Variants in SORL1 observed in about 807,000 individuals in gnomAD.
SORL1 encodes sortilin-related receptor.
A neutral mutation model predicts 273.7 loss-of-function variants in SORL1; 127 were observed. The observed-to-expected ratio is 0.46, with a 90% confidence interval of 0.40 to 0.54. The LOEUF is 0.54. SORL1 is among the 20% of genes least tolerant of loss of function. SORL1 has a pLI of 0.00. For missense variants in SORL1, 2,494 were observed against 2,846.1 expected (o/e 0.88, Z 2.81); for synonymous variants, 1,031 against 1,067.4 (o/e 0.97, Z 0.66).
chr11:121,463,482 G>A (rs1861035667), intron 1 of SORL1, among the ~76,000 whole-genome samples: 1 of 152,172 alleles, frequency 6.6e-6, no homozygotes, highest in African/African-American at 2.4e-5. Flanking sequence ...TCTCTAAACT[G>A]ATATTATAAG....
chr11:121,486,758 C>T (rs973212986), intron 3 of SORL1, among the ~76,000 whole-genome samples: 5 of 151,972 alleles, frequency 3.3e-5, no homozygotes, highest in East Asian at 1.9e-4. Flanking sequence ...GGATTACAGC[C>T]GCGAGCCACT....
At chr11:121,490,956 G>C (rs1408575902) in intron 5 of SORL1, among the ~76,000 whole-genome samples, 1 of 151,966 alleles carries the variant, frequency 6.6e-6, no homozygotes. Flanking sequence ...CTAGAGAGAG[G>C]ATTTATCCTT....
At position 121,514,005 on chromosome 11, in the gene SORL1, C is replaced by T. The variant is rs1861915699; in HGVS notation, c.1042-147C>T. ...TCCAAAGGGAAAGTCGCCAAAGCTT[C>T]TTTGCCAAGGTTAGGGAGCTTCCCG... is the stretch of plus-strand genomic sequence containing the variant. On this transcript the variant is annotated intron_variant, in intron 7 of 47. Coordinates refer to ENST00000260197, the MANE Select transcript of SORL1 (RefSeq NM_003105.6). 3.5e-6 allele frequency: 3 copies of T among 864,012 alleles called. No individual in the cohort carries two copies. The Admixed American group carries it at 9.2e-5, about 27-fold the overall frequency. The allele number at this position is 864,012 out of a possible 1,614,324, so 53.5% of individuals were successfully genotyped here.
At chr11:121,557,215 G>A in intron 18 of SORL1, 99 bp from the exon 19 acceptor site, 1 of 859,364 alleles carries the variant, frequency 1.2e-6, no homozygotes, top group Non-Finnish European at 2.0e-6. Context: ...GGCATGGAGG[G>A]GGCATGTCTG....
At chr11:121,600,068 A>G (rs912712713) in intron 32 of SORL1, among the ~76,000 whole-genome samples, 4 of 152,210 alleles carry the variant, frequency 2.6e-5, no homozygotes, top group East Asian at 1.9e-4. Flanking sequence ...CAAGTAATAC[A>G]GAGTTACCCA....
intron 23 of SORL1, among the ~76,000 whole-genome samples, chr11:121,572,808 G>T (rs1245158140): frequency 1.3e-5 from 2 of 152,068 alleles, no homozygotes; most frequent in African/African-American, 4.8e-5. Flanking sequence ...GGGTTTTGAC[G>T]CGAATCCCTG....
intron 46 of SORL1, 68 bp downstream of exon 46, chr11:121,625,345 C>T (rs1195653262): frequency 8.0e-7 from 1 of 1,249,752 alleles, no homozygotes; most frequent in East Asian, 2.4e-5. Flanking sequence ...CATATGGTTT[C>T]ATGACCATGT....
intron 41 of SORL1, among the ~76,000 whole-genome samples, chr11:121,616,070 C>T (rs950764786): frequency 2.2e-4 from 33 of 152,176 alleles, no homozygotes; most frequent in African/African-American, 3.4e-4. Flanking sequence ...GACCTATCCC[C>T]GGAGCTCTCT....
At chr11:121,546,777 T>C (rs1003904734) in intron 14 of SORL1, 9 of 152,212 alleles carry the variant, frequency 5.9e-5, no homozygotes, top group African/African-American at 1.9e-4. Flanking sequence ...TAAATCTCTA[T>C]TTACAAAAAT....
Position 121,554,064 on chromosome 11 carries a change from G to A in SORL1, c.2394G>A (p.Glu798=). The change falls in exon 17 of 48, where the codon GAG becomes GAA. Residue 798 remains glutamate (E), a synonymous_variant. Transcript: ENST00000260197. This position sits in a 1 kb window ranked among gnomAD's most constrained non-coding sequence, Gnocchi z 4.6. ...CAGTGGCCCTGGACTTTGACTATGAGCACAACTGTTTGTATTGGTCCGACC... is the reference window on the plus strand; with the variant it reads ...CAGTGGCCCTGGACTTTGACTATGAACACAACTGTTTGTATTGGTCCGACC... ...RAAVALDFDY[E]HNCLYWSDLA... 6.2e-7 allele frequency: 1 copy of A among 1,614,188 alleles called. No individual in the cohort carries two copies. Among genetic ancestry groups the A allele is most frequent in the Non-Finnish European group, 8.5e-7 (1 of 1,180,026 alleles).
intron 6 of SORL1, among the ~76,000 whole-genome samples, chr11:121,507,870 G>T (rs543476683): frequency 6.6e-6 from 1 of 152,052 alleles, no homozygotes; most frequent in South Asian, 2.1e-4. Flanking sequence ...TTGAAAACTG[G>T]ACATTTTAAA....
chr11:121,476,127 G>T (rs1861263940), intron 2 of SORL1, among the ~76,000 whole-genome samples: 1 of 152,216 alleles, frequency 6.6e-6, no homozygotes, highest in Non-Finnish European at 1.5e-5. Flanking sequence ...GGATGTCAGA[G>T]CTGGAAGGGA....
At chr11:121,511,587 C>T (rs561122094) in intron 6 of SORL1, among the ~76,000 whole-genome samples, 30 of 152,282 alleles carry the variant, frequency 2.0e-4, no homozygotes, top group South Asian at 1.2e-3. Context: ...TCATTTCCTA[C>T]GGCCCTATGT....
intron 24 of SORL1, among the ~76,000 whole-genome samples, chr11:121,576,568 G>A (rs1862934389): frequency 6.6e-6 from 1 of 152,176 alleles, no homozygotes; most frequent in Non-Finnish European, 1.5e-5. Flanking sequence ...CTCCAGAACC[G>A]AGAGAAATAA....
intron 27 of SORL1, 69 bp from the exon 28 acceptor site, chr11:121,587,951 T>G: frequency 1.3e-6 from 2 of 1,591,928 alleles, no homozygotes; most frequent in Non-Finnish European, 1.7e-6. Context: ...CGTGTGCACT[T>G]GCCCAGGGCT....
At chr11:121,495,802 T>C (rs1861620658) in intron 5 of SORL1, among the ~76,000 whole-genome samples, 1 of 152,160 alleles carries the variant, frequency 6.6e-6, no homozygotes, top group African/African-American at 2.4e-5. Context: ...TCATTTTGGA[T>C]TAGCTTCTTG....
In SORL1 at chr11:121,590,232, C is replaced by T. The variant is rs1863189470; in HGVS notation, c.4213+58C>T. 37 of 1,550,198 alleles carry T rather than the reference C, an allele frequency of 2.4e-5. No homozygotes were observed. In the South Asian group the frequency reaches 3.4e-4, roughly 14 times the overall value. On this transcript the variant is annotated intron_variant, in intron 30 of 47. Transcript: ENST00000260197. Reference sequence around the variant, plus strand: ...TAACCAAGACACACCAGAATAGTTCCACCAGCTATGCAGGATGTGCCTGGC... The same window carrying T: ...TAACCAAGACACACCAGAATAGTTCTACCAGCTATGCAGGATGTGCCTGGC...
At chr11:121,535,318 C>T (rs1469430393) in intron 12 of SORL1, among the ~76,000 whole-genome samples, 1 of 152,210 alleles carries the variant, frequency 6.6e-6, no homozygotes, top group African/African-American at 2.4e-5. Context: ...AGAGATTAGT[C>T]AGGAGTTAAT....
intron 21 of SORL1, among the ~76,000 whole-genome samples, chr11:121,562,540 C>T (rs78960885): frequency 0.011 from 1,605 of 152,304 alleles, 11 homozygotes; most frequent in Non-Finnish European, 0.015. Context: ...TCCCTTTGTC[C>T]AGCGTCTCAT....
Sources: gnomAD v4.1 joint callset for allele counts (sites outside exome capture counted in the v4.1 genomes callset) on GRCh38, gnomAD v4.1.1 for gene constraint, Gnocchi (gnomAD v3.1) non-coding constraint, MANE v1.5 for transcripts, NCBI Gene and HGNC (gene_info 2026-07-23, HGNC 2026-07-21) for gene names.